ANKRD26: variants seen among roughly 807,000 people sequenced by gnomAD.
The protein encoded by ANKRD26 is ankyrin repeat domain-containing protein 26.
Under a neutral mutation model 208.7 loss-of-function variants are expected in ANKRD26, and 141 were observed. That is an observed-to-expected ratio of 0.68 (90% CI 0.59 to 0.78). ANKRD26 has a LOEUF of 0.78. Ranked by LOEUF, ANKRD26 falls within the 30% of genes least tolerant of loss-of-function variation. The pLI is 0.00. For synonymous variants in ANKRD26, 636 were observed against 660.4 expected (o/e 0.96, Z 0.57); for missense variants, 1,889 against 1,938.7 (o/e 0.97, Z 0.48).
At chr10:26,987,072 C>T (rs1174438387), downstream of ANKRD26, among the ~76,000 whole-genome samples, 1 of 152,130 alleles carries the variant, frequency 6.6e-6, no homozygotes, top group African/African-American at 2.4e-5. Flanking sequence ...AAATGTGGCA[C>T]ATATACACCA....
intron 1 of ANKRD26, among the ~76,000 whole-genome samples, chr10:27,094,943 T>C (rs928362176): frequency 2.7e-5 from 4 of 150,768 alleles, no homozygotes; most frequent in South Asian, 4.2e-4. Flanking sequence ...GAGGCTGTAG[T>C]GAGCTGTGAT....
At chr10:27,041,598 T>C (rs1441110131) in intron 20 of ANKRD26, among the ~76,000 whole-genome samples, 5 of 152,212 alleles carry the variant, frequency 3.3e-5, no homozygotes, top group Non-Finnish European at 5.9e-5. Flanking sequence ...ATGGAAGATA[T>C]TTTTTAAAAA....
In ANKRD26 at chr10:27,053,397, A is replaced by G; in HGVS notation, c.1565-7T>C. ...ACTTCTAAGTCATGTTCAGCTGAAA[A>G]AATCCAAATATTTAGTTTAATGAAC... On this transcript the variant is annotated splice_region_variant and splice_polypyrimidine_tract_variant and intron_variant, in intron 15 of 33. Transcript: ENST00000376087. The G allele has an allele frequency of 6.2e-7, 1 of 1,604,434 alleles. No homozygotes were observed.
chr10:26,981,330 A>G (rs2052305171), intron 4 of ANKRD26, among the ~76,000 whole-genome samples: 1 of 152,204 alleles, frequency 6.6e-6, no homozygotes, highest in Admixed American at 6.5e-5. Flanking sequence ...CATCCTGAGG[A>G]TTTTATAGGA....
chr10:26,953,586 A>T, the ANKRD26 span, among the ~76,000 whole-genome samples: 11 of 152,162 alleles, frequency 7.2e-5, no homozygotes, highest in African/African-American at 2.7e-4. Context: ...AGGTTCAAAC[A>T]TTTGCAGTGA....
rs868015696 is a variant in ANKRD26, at chr10:27,060,203, A to G, written c.1564+142T>C. ...GGGTGACAGAGCAAGACTCGGTCTC[A>G]ATTAAAAAAAAATTTTTTTAAATCC... On this transcript the variant is annotated intron_variant, in intron 15 of 33. Transcript: ENST00000376087. 1.5e-4 allele frequency: 116 copies of G among 756,100 alleles called. No homozygotes were observed. In the African/African-American group the frequency reaches 1.9e-3, roughly 12 times the overall value. 46.8% of individuals were successfully genotyped at this position (756,100 alleles called of 1,614,324 possible).
At chr10:27,062,581 C>G (rs1241162142) in intron 12 of ANKRD26, among the ~76,000 whole-genome samples, 1 of 152,202 alleles carries the variant, frequency 6.6e-6, no homozygotes, top group Non-Finnish European at 1.5e-5. Flanking sequence ...CTCTTGGAAT[C>G]TGGTGTCAAG....
At chr10:27,093,314 C>A (rs765632849) in intron 3 of ANKRD26, 35 bp downstream of exon 3, 75 of 1,595,360 alleles carry the variant, frequency 4.7e-5, no homozygotes, top group Non-Finnish European at 6.3e-5. Flanking sequence ...AAACGCATTT[C>A]AAATACTGTA....
At chr10:27,001,151 A>C (rs1226186675), downstream of ANKRD26, among the ~76,000 whole-genome samples, 1 of 152,206 alleles carries the variant, frequency 6.6e-6, no homozygotes, top group Non-Finnish European at 1.5e-5. Flanking sequence ...TGGTATATGG[A>C]GTCCTATTCT....
chr10:26,991,530 C>A (rs144278526), downstream of ANKRD26, among the ~76,000 whole-genome samples: 783 of 152,062 alleles, frequency 5.1e-3, 5 homozygotes, highest in African/African-American at 0.018. Flanking sequence ...GCAACCTCTG[C>A]CTCCCAGGTT....
chr10:27,040,517 G>A (rs2135250345), intron 20 of ANKRD26, among the ~76,000 whole-genome samples: 1 of 152,338 alleles, frequency 6.6e-6, no homozygotes, highest in Middle Eastern at 3.4e-3. Context: ...TGGCTACACT[G>A]AGAAATGAAG....
At chr10:27,075,903 TC>T (rs2055682489) in intron 9 of ANKRD26, among the ~76,000 whole-genome samples, 1 of 152,194 alleles carries the variant, frequency 6.6e-6, no homozygotes, top group Non-Finnish European at 1.5e-5. Context: ...TGAAGTATCT[TC>T]TCAGACCACA....
chr10:27,040,890 C>T (rs868002155), intron 20 of ANKRD26, among the ~76,000 whole-genome samples: 5 of 151,780 alleles, frequency 3.3e-5, no homozygotes, highest in South Asian at 2.1e-4. Context: ...ATTAGTGGGG[C>T]GTGGTGGCAG....
chr10:27,069,179 A>T (rs1321227279), intron 9 of ANKRD26, among the ~76,000 whole-genome samples: 1 of 126,112 alleles, frequency 7.9e-6, no homozygotes, highest in African/African-American at 2.9e-5. Context: ...TGGGCAACAG[A>T]GTGAGACGTC....
At chr10:26,969,167 G>A (rs1470453671), downstream of ANKRD26, among the ~76,000 whole-genome samples, 9 of 152,274 alleles carry the variant, frequency 5.9e-5, no homozygotes, top group Non-Finnish European at 1.0e-4. Flanking sequence ...TCAATGAAGT[G>A]CCCGGATCTC....
At chr10:27,076,257 T>TTTGG (rs2055693266) in intron 9 of ANKRD26, among the ~76,000 whole-genome samples, 1 of 143,150 alleles carries the variant, frequency 7.0e-6, no homozygotes, top group Non-Finnish European at 1.5e-5. Flanking sequence ...TTGTTTTTTG[T>TTTGG]TTGTTTGGTT....
At chr10:26,985,268 T>G (rs1481955423) in intron 3 of ANKRD26, among the ~76,000 whole-genome samples, 1 of 152,128 alleles carries the variant, frequency 6.6e-6, no homozygotes, top group Admixed American at 6.5e-5. Flanking sequence ...AGTAAATATT[T>G]TGTGGCACCA....
At position 27,061,257 on chromosome 10, in the gene ANKRD26, A is replaced by G. The variant is rs747918056; in HGVS notation, c.1364-15T>C. The stretch of plus-strand genomic sequence containing the variant: ...ATAAAACACATCTAAGAAATAATAC[A>G]TAATAAGCTTTCAATATTGTAATAT... On this transcript the variant is annotated splice_polypyrimidine_tract_variant and intron_variant, in intron 12 of 33. Coordinates refer to ENST00000376087, the MANE Select transcript of ANKRD26 (RefSeq NM_014915.3). 2 of 1,503,058 alleles carry G rather than the reference A, an allele frequency of 1.3e-6. No homozygotes were observed. The highest frequency in any genetic ancestry group is 2.8e-5 in the African/African-American group (2 of 71,446). 93.1% of individuals were successfully genotyped at this position (1,503,058 alleles called of 1,614,324 possible).
At chr10:27,023,962 A>G (rs77333295) in intron 28 of ANKRD26, among the ~76,000 whole-genome samples, 1 of 142,692 alleles carries the variant, frequency 7.0e-6, no homozygotes, top group South Asian at 2.2e-4. Flanking sequence ...GTAAATTTTC[A>G]TGATATATTT....
Sources: allele counts gnomAD v4.1 joint callset (sites outside exome capture counted in the v4.1 genomes callset), GRCh38; gene constraint gnomAD v4.1.1; transcripts MANE v1.5; gene names NCBI Gene and HGNC (gene_info 2026-07-23, HGNC 2026-07-21).